Variants in SLC4A4 observed in about 807,000 individuals in gnomAD.
SLC4A4 encodes the protein electrogenic sodium bicarbonate cotransporter 1.
A neutral mutation model predicts 111.5 loss-of-function variants in SLC4A4; 27 were observed. That is an observed-to-expected ratio of 0.24 (90% CI 0.18 to 0.33). SLC4A4 has a LOEUF of 0.33. Among genes scored for constraint, SLC4A4 ranks in the 10% least tolerant of loss-of-function variants. The pLI is 1.00. For synonymous variants in SLC4A4, 443 were observed against 463.4 expected, an observed-to-expected ratio of 0.96 and a Z score of 0.57; for missense variants, 909 against 1,315.5, an observed-to-expected ratio of 0.69 and a Z score of 4.78.
chr4:71,257,069 G>C (rs1721507005), intron 3 of SLC4A4, among the ~76,000 whole-genome samples: 1 of 152,172 alleles, frequency 6.6e-6, no homozygotes, highest in Non-Finnish European at 1.5e-5. Context: ...CACTCAGATA[G>C]GTCATAAGGA....
chr4:71,158,141 G>C (rs13122190), intron 2 of SLC4A4, among the ~76,000 whole-genome samples: 13,889 of 119,804 alleles, frequency 0.12, 1,062 homozygotes, highest in African/African-American at 0.24. Context: ...GTGTGTGTGT[G>C]TCTCTCTCTC....
intron 2 of SLC4A4, among the ~76,000 whole-genome samples, chr4:71,102,853 C>T (rs1388055044): frequency 3.2e-4 from 49 of 151,850 alleles, no homozygotes; most frequent in African/African-American, 1.2e-3. Context: ...TAGGAAGAAA[C>T]TGCATCAACT....
At chr4:71,467,663 G>A (rs1208262031) in intron 13 of SLC4A4, among the ~76,000 whole-genome samples, 7 of 152,068 alleles carry the variant, frequency 4.6e-5, no homozygotes, top group Non-Finnish European at 1.0e-4. Flanking sequence ...TATGATATCA[G>A]CATTTTCTTT....
At chr4:71,168,452 G>T (rs1201547791) in intron 2 of SLC4A4, among the ~76,000 whole-genome samples, 1 of 151,848 alleles carries the variant, frequency 6.6e-6, no homozygotes, top group Non-Finnish European at 1.5e-5. Flanking sequence ...CAAAGTGCTG[G>T]GATTACAGGC....
intron 16 of SLC4A4, among the ~76,000 whole-genome samples, chr4:71,502,406 T>C (rs1470198771): frequency 6.6e-6 from 1 of 152,196 alleles, no homozygotes; most frequent in East Asian, 1.9e-4. Flanking sequence ...TTCTAGCTCC[T>C]TGACATGCTT....
chr4:71,146,710 G>T (rs1744181928), intron 2 of SLC4A4, among the ~76,000 whole-genome samples: 1 of 151,912 alleles, frequency 6.6e-6, no homozygotes, highest in Non-Finnish European at 1.5e-5. Context: ...TAACCACCAG[G>T]CCTGCCCTAA....
chr4:71,477,469 C>T (rs1728474146), intron 14 of SLC4A4, among the ~76,000 whole-genome samples: 1 of 151,676 alleles, frequency 6.6e-6, no homozygotes, highest in Non-Finnish European at 1.5e-5. Context: ...AAATTAACAA[C>T]CAGTGTGCTG....
chr4:71,202,408 C>T (rs748566988), intron 1 of SLC4A4, among the ~76,000 whole-genome samples: 12 of 152,170 alleles, frequency 7.9e-5, no homozygotes, highest in African/African-American at 2.4e-4. Context: ...ACCCTTCCCC[C>T]ACCTCCTCAA....
chr4:71,367,734 C>T (rs1731459112), intron 6 of SLC4A4, among the ~76,000 whole-genome samples: 2 of 152,192 alleles, frequency 1.3e-5, no homozygotes. Context: ...AGATTTGCCT[C>T]AAACAGGTGC....
intron 1 of SLC4A4, among the ~76,000 whole-genome samples, chr4:71,227,087 C>T (rs886791360): frequency 1.7e-4 from 26 of 152,102 alleles, no homozygotes; most frequent in African/African-American, 6.3e-4. Context: ...CAGGCACATT[C>T]AGGAAGCCAA....
chr4:71,155,361 C>T (rs969186049), intron 2 of SLC4A4, among the ~76,000 whole-genome samples: 2 of 152,128 alleles, frequency 1.3e-5, no homozygotes, highest in African/African-American at 4.8e-5. Context: ...TATTAAAAAA[C>T]CAAATAAAGA....
chr4:71,306,755 A>G (rs750838130), intron 3 of SLC4A4, among the ~76,000 whole-genome samples: 3 of 152,188 alleles, frequency 2.0e-5, no homozygotes, highest in Non-Finnish European at 4.4e-5. Context: ...TTAGAGTGCC[A>G]CTTCACAAAT....
At chr4:71,135,993 C>G (rs1029227468) in intron 2 of SLC4A4, among the ~76,000 whole-genome samples, 1 of 152,150 alleles carries the variant, frequency 6.6e-6, no homozygotes, top group African/African-American at 2.4e-5. Flanking sequence ...GTTTTCAAAC[C>G]CTCTGAACTT....
intron 7 of SLC4A4, among the ~76,000 whole-genome samples, chr4:71,435,445 C>T (rs1724040707): frequency 6.6e-6 from 1 of 152,128 alleles, no homozygotes; most frequent in Non-Finnish European, 1.5e-5. Flanking sequence ...AGACCTAAAA[C>T]CATAAAATCC....
chr4:71,538,946 A>G (rs1472577315), intron 18 of SLC4A4, among the ~76,000 whole-genome samples: 1 of 152,076 alleles, frequency 6.6e-6, no homozygotes, highest in Non-Finnish European at 1.5e-5. Context: ...TGAGCTTCAG[A>G]CTGCAAAGTC....
At chr4:71,551,259 G>A (rs1040157765) in intron 20 of SLC4A4, among the ~76,000 whole-genome samples, 3 of 151,916 alleles carry the variant, frequency 2.0e-5, no homozygotes, top group African/African-American at 7.2e-5. Flanking sequence ...ATTAGGAGTA[G>A]TCAAATTTAT....
intron 12 of SLC4A4, among the ~76,000 whole-genome samples, chr4:71,460,623 AC>A (rs2149090642): frequency 6.6e-6 from 1 of 152,258 alleles, no homozygotes; most frequent in South Asian, 2.1e-4. Flanking sequence ...GACAGAAATC[AC>A]TGATTTATTG....
chr4:71,168,552 T>C (rs1260066971), intron 2 of SLC4A4, among the ~76,000 whole-genome samples: 1 of 152,154 alleles, frequency 6.6e-6, no homozygotes, highest in Non-Finnish European at 1.5e-5. Context: ...ATCAGGTCTT[T>C]TAAATTCTTT....
At chr4:71,437,454 T>C in intron 7 of SLC4A4, 1 of 329,524 alleles carries the variant, frequency 3.0e-6, no homozygotes, top group East Asian at 8.0e-5. Context: ...TTCACTGGAC[T>C]ATATCAAGGT....
Sources: allele counts gnomAD v4.1 joint callset (sites outside exome capture counted in the v4.1 genomes callset), GRCh38; gene constraint gnomAD v4.1.1; transcripts MANE v1.5; gene names NCBI Gene and HGNC (gene_info 2026-07-23, HGNC 2026-07-21).